The following CD70 variants were observed in gnomAD, a reference collection of about 807,000 sequenced individuals.
CD70 encodes the protein CD70 antigen.
Under a neutral mutation model 9.0 loss-of-function variants are expected in CD70, and 6 were observed. The ratio of observed to expected loss-of-function variants is 0.67; its 90% confidence interval spans 0.37 to 1.32. The LOEUF (loss-of-function observed/expected upper bound fraction) is 1.32. Ranked by LOEUF, CD70 falls within the 40% of genes most tolerant of loss-of-function variation. The pLI, the probability that CD70 is intolerant of heterozygous loss-of-function variation, is 0.02. For synonymous variants in CD70, 108 were observed against 112.3 expected (o/e 0.96, Z 0.24); for missense variants, 235 against 258.7 (o/e 0.91, Z 0.63).
downstream of CD70, among the ~76,000 whole-genome samples, chr19:6,585,332 A>G (rs1240274479): frequency 1.4e-5 from 2 of 145,750 alleles, no homozygotes; most frequent in African/African-American, 5.0e-5. Flanking sequence ...TAGATGCACC[A>G]AGGAGAAAAC....
chr19:6,585,797 G>T (rs1309908830), downstream of CD70: 2 of 469,362 alleles, frequency 4.3e-6, no homozygotes, highest in Non-Finnish European at 7.6e-6. Context: ...GCCTCAGTCG[G>T]CCGAGTAGCT....
chr19:6,591,077 A>G lies in CD70; in HGVS notation c.-75T>C. 6.8e-7 allele frequency: 1 copy of G among 1,471,926 alleles called. No homozygotes were observed. Among genetic ancestry groups the G allele is most frequent in the Non-Finnish European group, 9.0e-7 (1 of 1,105,240 alleles). 91.2% of individuals were successfully genotyped at this position (1,471,926 alleles called of 1,614,324 possible). On this transcript the variant is annotated 5_prime_UTR_variant, in exon 1 of 3. Transcript: ENST00000245903. ...AGCGCTGCCGAGAAGGAAGGAAGGA[A>G]ACTGCAGCCCCCTCCCGGGGCTCCT...
chr19:6,590,995 T>A lies in CD70; in HGVS notation c.8A>T (p.Glu3Val). 1 of 1,590,752 alleles carries A rather than the reference T, an allele frequency of 6.3e-7. No individual in the cohort carries two copies. The highest frequency in any genetic ancestry group is 8.6e-7 in the Non-Finnish European group (1 of 1,166,238). ...CCGCACCGAGCAGCCCGAACCCTCC[T>A]CCGGCATCGCCGCGGCGATCACCTC... MP[E>V]EGSGCSVRRR... Residue 3 changes from glutamate (E) to valine (V), a missense_variant, in exon 1 of 3, where the codon GAG becomes GTG. Transcript: ENST00000245903. This position sits in a 1 kb window ranked among gnomAD's most constrained non-coding sequence, Gnocchi z 5.3.
chr19:6,590,282 T>G lies in CD70; in HGVS notation c.163-146A>C. 2 of 645,220 alleles carry G rather than the reference T, an allele frequency of 3.1e-6. No homozygotes were observed. The highest frequency in any genetic ancestry group is 2.7e-5 in the East Asian group (1 of 37,184). The allele number at this position is 645,220 out of a possible 1,614,324, so 40.0% of individuals were successfully genotyped here. On this transcript the variant is annotated intron_variant, in intron 1 of 2. Coordinates refer to ENST00000245903, the MANE Select transcript of CD70 (RefSeq NM_001252.5). The surrounding 1 kb of genome is among the most constrained non-coding windows in gnomAD (Gnocchi z 5.3). ...CACTGGTGATTTTATTTCATTTTAT[T>G]TTTTTTTACTCTTAAGACTTCTTAA...
At chr19:6,587,510 G>A (rs932037266) in intron 2 of CD70, among the ~76,000 whole-genome samples, 2 of 152,042 alleles carry the variant, frequency 1.3e-5, no homozygotes, top group African/African-American at 4.8e-5. Flanking sequence ...CAGACAGCAC[G>A]AGAGAGACAG....
At chr19:6,585,800 G>A (rs1179174724), downstream of CD70, 12 of 479,086 alleles carry the variant, frequency 2.5e-5, no homozygotes, top group Non-Finnish European at 4.5e-5. Flanking sequence ...TCAGTCGGCC[G>A]AGTAGCTGGG....
chr19:6,586,476 A>C (rs1340557560), intron 2 of CD70, 71 bp from the exon 3 acceptor site: 4 of 1,451,818 alleles, frequency 2.8e-6, no homozygotes, highest in Non-Finnish European at 3.7e-6. Context: ...GGTCATAGAG[A>C]AAGTCAGATA....
Position 6,586,447 on chromosome 19 carries a change from G to C in CD70, c.197-42C>G, listed in dbSNP as rs781578832. ...AGAGGGATGAGAGGATGGAGGTTTAGGGAAACTGAGGCACAGGGGGTCATA... is the reference window on the plus strand; with the variant it reads ...AGAGGGATGAGAGGATGGAGGTTTACGGAAACTGAGGCACAGGGGGTCATA... On this transcript the variant is annotated intron_variant, in intron 2 of 2. Transcript: ENST00000245903. 2.6e-6 allele frequency: 4 copies of C among 1,545,916 alleles called. No individual in the cohort carries two copies. The South Asian group carries it at 4.8e-5, about 19-fold the overall frequency.
intron 2 of CD70, among the ~76,000 whole-genome samples, chr19:6,586,655 A>T (rs1916024294): frequency 6.6e-6 from 1 of 151,988 alleles, no homozygotes; most frequent in Non-Finnish European, 1.5e-5. Flanking sequence ...AAAGTCAGCC[A>T]GGTGTGGTGG....
At chr19:6,585,829 G>A (rs185710008), downstream of CD70, 54 of 538,474 alleles carry the variant, frequency 1.0e-4, 1 homozygote, top group Admixed American at 1.6e-4. Flanking sequence ...TGCACGCCAC[G>A]AAGCCCAGCT....
At chr19:6,589,338 CCTT>C (rs1916099145) in intron 2 of CD70, among the ~76,000 whole-genome samples, 1 of 148,002 alleles carries the variant, frequency 6.8e-6, no homozygotes, top group Non-Finnish European at 1.5e-5. Context: ...CTCCTTCCTT[CCTT>C]CTTCTCTTTC....
Position 6,588,697 on chromosome 19 carries a change from C to A in CD70, c.196+1406G>T, listed in dbSNP as rs115621689. Among the ~76,000 whole-genome samples, 345 of 152,280 alleles carry A rather than the reference C, an allele frequency of 2.3e-3. 1 individual carries two copies. Among genetic ancestry groups the A allele is most frequent in the African/African-American group, 7.8e-3 (324 of 41,560 alleles). ...TTTAAATGAAAATCCCCAACCCTGGCATGCCCGGATTCCCCACCCACCTCC... is the reference window on the plus strand; with the variant it reads ...TTTAAATGAAAATCCCCAACCCTGGAATGCCCGGATTCCCCACCCACCTCC... On this transcript the variant is annotated intron_variant, in intron 2 of 2. Coordinates refer to ENST00000245903, the MANE Select transcript of CD70 (RefSeq NM_001252.5).
At chr19:6,585,016 C>T (rs868415317), downstream of CD70, among the ~76,000 whole-genome samples, 24 of 152,140 alleles carry the variant, frequency 1.6e-4, no homozygotes, top group African/African-American at 5.8e-4. Context: ...TGGTGGTTTG[C>T]GACACCCCTC....
In CD70 at chr19:6,590,089, G is replaced by A. The variant is rs761854161; in HGVS notation, c.196+14C>T. The A allele has an allele frequency of 1.2e-6, 2 of 1,609,646 alleles. No homozygotes were observed. Among genetic ancestry groups the A allele is most frequent in the East Asian group, 4.5e-5 (2 of 44,802 alleles). On this transcript the variant is annotated intron_variant, in intron 2 of 2. Transcript: ENST00000245903. This position sits in a 1 kb window ranked among gnomAD's most constrained non-coding sequence, Gnocchi z 5.3. ...CCTCTTCTTCTCCCCGTCCCTCCAC[G>A]TCCCCCGTGTTACCTGTGTGATTCA... is the stretch of plus-strand genomic sequence containing the variant.
chr19:6,584,559 G>C (rs1475590169), downstream of CD70, among the ~76,000 whole-genome samples: 1 of 91,560 alleles, frequency 1.1e-5, no homozygotes, highest in African/African-American at 4.5e-5. Context: ...GGTAAATTCT[G>C]AGTTCCAAAA....
At chr19:6,583,690 C>T (rs1915961792), downstream of CD70, among the ~76,000 whole-genome samples, 1 of 151,348 alleles carries the variant, frequency 6.6e-6, no homozygotes, top group Non-Finnish European at 1.5e-5. Context: ...TCCCTAGTAG[C>T]ATGGATTAGA....
downstream of CD70, among the ~76,000 whole-genome samples, chr19:6,584,723 G>A (rs1034196421): frequency 2.1e-5 from 3 of 145,540 alleles, no homozygotes; most frequent in East Asian, 2.0e-4. Flanking sequence ...AAAAATAGCC[G>A]GGTGTGGTGG....
At chr19:6,588,827 C>G (rs1256347302) in intron 2 of CD70, among the ~76,000 whole-genome samples, 1 of 152,124 alleles carries the variant, frequency 6.6e-6, no homozygotes, top group Non-Finnish European at 1.5e-5. Context: ...ATCTCCTCCT[C>G]GGTAGGAGTG....
At chr19:6,588,193 G>T (rs1916071207) in intron 2 of CD70, among the ~76,000 whole-genome samples, 1 of 152,290 alleles carries the variant, frequency 6.6e-6, no homozygotes, top group South Asian at 2.1e-4. Flanking sequence ...CAAATTTCCT[G>T]TAAGAGTGAC....
Sources: gnomAD v4.1 joint callset for allele counts (sites outside exome capture counted in the v4.1 genomes callset) on GRCh38, gnomAD v4.1.1 for gene constraint, Gnocchi (gnomAD v3.1) non-coding constraint, MANE v1.5 for transcripts, NCBI Gene and HGNC (gene_info 2026-07-23, HGNC 2026-07-21) for gene names.